The following IMMP2L variants were observed in gnomAD, a reference collection of about 807,000 sequenced individuals.
IMMP2L encodes mitochondrial inner membrane protease subunit 2.
A neutral mutation model predicts 19.3 loss-of-function variants in IMMP2L; 18 were observed. The ratio of observed to expected loss-of-function variants is 0.93; its 90% confidence interval spans 0.64 to 1.38. The LOEUF (loss-of-function observed/expected upper bound fraction) is 1.38. IMMP2L is among the 40% of genes most tolerant of loss of function. The pLI is 0.00. For missense variants in IMMP2L, 233 were observed against 218.2 expected (o/e 1.07, Z -0.43); for synonymous variants, 76 against 73.0 (o/e 1.04, Z -0.21).
At chr7:111,283,509 T>C (rs959082156) in intron 3 of IMMP2L, among the ~76,000 whole-genome samples, 1 of 151,946 alleles carries the variant, frequency 6.6e-6, no homozygotes, top group Non-Finnish European at 1.5e-5. Flanking sequence ...AAATCTGAAA[T>C]GATGAGCAGT....
intron 3 of IMMP2L, among the ~76,000 whole-genome samples, chr7:111,302,167 T>C (rs1822326226): frequency 6.6e-6 from 1 of 152,006 alleles, no homozygotes; most frequent in African/African-American, 2.4e-5. Flanking sequence ...CAAGGTTAGT[T>C]CTCTGTCATC....
At chr7:111,295,902 A>C (rs1312044276) in intron 3 of IMMP2L, among the ~76,000 whole-genome samples, 1 of 151,516 alleles carries the variant, frequency 6.6e-6, no homozygotes, top group Non-Finnish European at 1.5e-5. Context: ...CAAATATAAA[A>C]CCTACCACTA....
At chr7:111,530,999 C>G (rs1031170483) in intron 1 of IMMP2L, among the ~76,000 whole-genome samples, 7 of 151,522 alleles carry the variant, frequency 4.6e-5, no homozygotes, top group South Asian at 4.2e-4. Flanking sequence ...CTCTGTCACC[C>G]AGGCTGGAGT....
intron 3 of IMMP2L, among the ~76,000 whole-genome samples, chr7:111,091,879 G>A (rs969728912): frequency 2.0e-4 from 31 of 152,044 alleles, no homozygotes; most frequent in African/African-American, 7.2e-4. Flanking sequence ...AGACAGAGAG[G>A]AGACAGAGAG....
At chr7:111,212,827 T>C (rs1349422691) in intron 3 of IMMP2L, among the ~76,000 whole-genome samples, 2 of 152,212 alleles carry the variant, frequency 1.3e-5, no homozygotes, top group Non-Finnish European at 2.9e-5. Flanking sequence ...ATGGGGCTTC[T>C]GCTATTTATG....
chr7:111,123,294 T>C lies in IMMP2L; in HGVS notation c.240-159729A>G. The stretch of plus-strand genomic sequence containing the variant: ...TTCTTCGACTTCATCTCAATTCAAA[T>C]AGATTGCAGATGATCAACAGTAAGT... On this transcript the variant is annotated intron_variant, in intron 3 of 5. Coordinates refer to ENST00000405709, the MANE Select transcript of IMMP2L (RefSeq NM_032549.4). This position sits in a 1 kb window ranked among gnomAD's most constrained non-coding sequence, Gnocchi z 6.4. The C allele has an allele frequency of 1.2e-6, 2 of 1,613,822 alleles. No individual in the cohort carries two copies. Among genetic ancestry groups the C allele is most frequent in the Non-Finnish European group, 8.5e-7 (1 of 1,179,926 alleles).
chr7:111,437,715 T>C (rs753255214), intron 3 of IMMP2L, among the ~76,000 whole-genome samples: 1 of 151,962 alleles, frequency 6.6e-6, no homozygotes, highest in African/African-American at 2.4e-5. Flanking sequence ...GATATATTCC[T>C]ATCTTATTTA....
chr7:111,370,924 T>C (rs1830207551), intron 3 of IMMP2L, among the ~76,000 whole-genome samples: 1 of 151,922 alleles, frequency 6.6e-6, no homozygotes, highest in South Asian at 2.1e-4. Flanking sequence ...ATACCTGGTG[T>C]TTTTCAGCCT....
chr7:111,505,554 AG>A (rs1308894121), intron 2 of IMMP2L, among the ~76,000 whole-genome samples: 1 of 152,166 alleles, frequency 6.6e-6, no homozygotes, highest in African/African-American at 2.4e-5. Flanking sequence ...ACAATAGCAA[AG>A]ACTTGGAACC....
At chr7:110,980,715 T>C (rs879466075) in intron 3 of IMMP2L, among the ~76,000 whole-genome samples, 4 of 152,216 alleles carry the variant, frequency 2.6e-5, no homozygotes, top group Non-Finnish European at 5.9e-5. Context: ...AATATAAATT[T>C]CCCTAAATTT....
intron 5 of IMMP2L, among the ~76,000 whole-genome samples, chr7:110,832,829 CAT>C (rs1245732366): frequency 1.3e-5 from 2 of 151,996 alleles, no homozygotes; most frequent in Non-Finnish European, 2.9e-5. Context: ...ATAACATAAA[CAT>C]ATAGAAATAG....
intron 3 of IMMP2L, among the ~76,000 whole-genome samples, chr7:111,178,783 A>G (rs936293375): frequency 1.3e-5 from 2 of 152,014 alleles, no homozygotes; most frequent in Admixed American, 1.3e-4. Flanking sequence ...TTCTAATTCT[A>G]GTTCTCTTGC....
intron 3 of IMMP2L, among the ~76,000 whole-genome samples, chr7:110,981,770 C>A (rs970510567): frequency 2.6e-5 from 4 of 152,054 alleles, no homozygotes; most frequent in Non-Finnish European, 5.9e-5. Context: ...GGGAATGGAA[C>A]CTCTTTCTCT....
At chr7:111,358,683 T>C (rs1282749370) in intron 3 of IMMP2L, among the ~76,000 whole-genome samples, 1 of 152,042 alleles carries the variant, frequency 6.6e-6, no homozygotes, top group African/African-American at 2.4e-5. Context: ...ATTTCTATAG[T>C]TTTTGCACTA....
chr7:111,558,928 T>C (rs1056050726), intron 1 of IMMP2L, among the ~76,000 whole-genome samples: 1 of 152,160 alleles, frequency 6.6e-6, no homozygotes, highest in Non-Finnish European at 1.5e-5. Context: ...AAGAATATTT[T>C]CTTGCTTCCA....
chr7:111,485,882 C>A (rs532777666), intron 3 of IMMP2L, among the ~76,000 whole-genome samples: 4 of 151,338 alleles, frequency 2.6e-5, no homozygotes, highest in Non-Finnish European at 4.4e-5. Flanking sequence ...ATGTTTCTCA[C>A]GGGAAAAAAA....
intron 5 of IMMP2L, among the ~76,000 whole-genome samples, chr7:110,672,378 A>C (rs1261218604): frequency 6.6e-6 from 1 of 152,122 alleles, no homozygotes; most frequent in Non-Finnish European, 1.5e-5. Context: ...TGGGAATTAC[A>C]ATTCAGGATG....
chr7:110,890,688 G>A (rs982060563), intron 4 of IMMP2L, among the ~76,000 whole-genome samples: 33 of 152,220 alleles, frequency 2.2e-4, no homozygotes, highest in African/African-American at 7.5e-4. Flanking sequence ...TCTATGACTT[G>A]CAAATAATTT....
chr7:110,739,555 T>TTTATAAAACAAACGTG (rs1796859703), intron 5 of IMMP2L, among the ~76,000 whole-genome samples: 2 of 152,184 alleles, frequency 1.3e-5, no homozygotes, highest in East Asian at 3.9e-4. Context: ...AGCTCCCAAA[T>TTTATAAAACAAACGTG]TTATAAAACA....
Sources: gnomAD v4.1 joint callset for allele counts (sites outside exome capture counted in the v4.1 genomes callset) on GRCh38, gnomAD v4.1.1 for gene constraint, Gnocchi (gnomAD v3.1) non-coding constraint, MANE v1.5 for transcripts, NCBI Gene and HGNC (gene_info 2026-07-23, HGNC 2026-07-21) for gene names.